HMGB1: variants seen among roughly 807,000 people sequenced by gnomAD.
HMGB1 encodes high mobility group protein B1.
For missense variants in HMGB1, 79 were observed against 253.5 expected (o/e 0.31, Z 4.67); for synonymous variants, 81 against 84.0 (o/e 0.96, Z 0.19).
intron 1 of HMGB1, among the ~76,000 whole-genome samples, chr13:30,500,308 A>G (rs758520749): frequency 1.3e-5 from 2 of 152,170 alleles, no homozygotes; most frequent in Non-Finnish European, 2.9e-5. Flanking sequence ...AGTCTCAGGT[A>G]TTCTGTCTTA....
At chr13:30,472,194 A>C (rs1384180694) in intron 1 of HMGB1, among the ~76,000 whole-genome samples, 1 of 152,056 alleles carries the variant, frequency 6.6e-6, no homozygotes, top group Non-Finnish European at 1.5e-5. Flanking sequence ...CACGAGAATC[A>C]CTTGAACCCA....
intron 1 of HMGB1, among the ~76,000 whole-genome samples, chr13:30,524,815 C>T (rs1888328824): frequency 1.3e-5 from 2 of 152,052 alleles, no homozygotes; most frequent in South Asian, 4.1e-4. Context: ...GCAGTTTATA[C>T]ACTTGAAAAG....
At chr13:30,608,447 C>G (rs1435143973) in intron 1 of HMGB1, among the ~76,000 whole-genome samples, 1 of 152,142 alleles carries the variant, frequency 6.6e-6, no homozygotes, top group Non-Finnish European at 1.5e-5. Context: ...CTGTTGAGGG[C>G]ATGAGGAAAG....
intron 1 of HMGB1, among the ~76,000 whole-genome samples, chr13:30,533,623 C>T (rs1161226729): frequency 3.3e-5 from 5 of 152,112 alleles, no homozygotes; most frequent in Non-Finnish European, 7.3e-5. Context: ...CCTCGGCCTC[C>T]TGAAGTTCTA....
intron 1 of HMGB1, among the ~76,000 whole-genome samples, chr13:30,575,700 G>A (rs2150796): frequency 0.46 from 70,486 of 151,940 alleles, 18,774 homozygotes; most frequent in African/African-American, 0.73. Context: ...GTACTGCTAT[G>A]TATCTAATGT....
At chr13:30,500,323 C>T (rs1251735218) in intron 1 of HMGB1, among the ~76,000 whole-genome samples, 2 of 152,104 alleles carry the variant, frequency 1.3e-5, no homozygotes, top group Non-Finnish European at 2.9e-5. Flanking sequence ...GTCTTAGCAA[C>T]AGAAAATGAA....
chr13:30,498,019 T>C (rs1040747255), intron 1 of HMGB1, among the ~76,000 whole-genome samples: 4 of 152,210 alleles, frequency 2.6e-5, no homozygotes, highest in African/African-American at 9.6e-5. Context: ...TTTAAGTTCT[T>C]TGAGGAATCG....
rs1950558338 is a variant in HMGB1, at chr13:30,616,064, G to A, written c.-15+607C>T. Among the ~76,000 whole-genome samples the A allele has an allele frequency of 2.0e-5, 3 of 152,320 alleles. No individual in the cohort carries two copies. The South Asian group carries it at 6.2e-4, about 32-fold the overall frequency. On this transcript the variant is annotated intron_variant, in intron 1 of 4. Coordinates refer to the HMGB1 transcript ENST00000405805. Reference sequence around the variant, plus strand: ...ATAGGAATAACCAGAAATGTATACAGTATTCTCAACTTGGGACCGTTACTC... The same window carrying A: ...ATAGGAATAACCAGAAATGTATACAATATTCTCAACTTGGGACCGTTACTC...
chr13:30,522,265 A>G (rs1015563684), intron 1 of HMGB1, among the ~76,000 whole-genome samples: 5 of 152,004 alleles, frequency 3.3e-5, no homozygotes, highest in African/African-American at 4.8e-5. Context: ...GGTAGATGCC[A>G]TCATGCCCAG....
At chr13:30,466,003 C>T (rs1033585905), upstream of HMGB1, 33 of 970,030 alleles carry the variant, frequency 3.4e-5, no homozygotes, top group Non-Finnish European at 3.9e-5. Context: ...TGGCCCGATA[C>T]CTCCCATTGT....
chr13:30,539,725 G>C (rs1362338539), intron 1 of HMGB1: 2 of 174,072 alleles, frequency 1.1e-5, no homozygotes, highest in African/African-American at 4.8e-5. Context: ...GGAGTGGTGG[G>C]GGTGGCAGGG....
chr13:30,588,309 T>C (rs1359381765), intron 1 of HMGB1, among the ~76,000 whole-genome samples: 1 of 152,200 alleles, frequency 6.6e-6, no homozygotes, highest in African/African-American at 2.4e-5. Context: ...AGTTAGATTC[T>C]GAAAATTAAA....
chr13:30,576,537 C>G (rs1324020810), intron 1 of HMGB1, among the ~76,000 whole-genome samples: 2 of 151,758 alleles, frequency 1.3e-5, no homozygotes, highest in Non-Finnish European at 1.5e-5. Flanking sequence ...TTTCTTAAGT[C>G]TCCCTTTGCT....
At chr13:30,615,162 G>A (rs768459531) in intron 1 of HMGB1, among the ~76,000 whole-genome samples, 8 of 152,166 alleles carry the variant, frequency 5.3e-5, no homozygotes, top group Non-Finnish European at 1.2e-4. Flanking sequence ...TATGATAGAT[G>A]CATGATATGA....
chr13:30,525,717 A>T (rs1253707163), intron 1 of HMGB1, among the ~76,000 whole-genome samples: 1 of 60,954 alleles, frequency 1.6e-5, no homozygotes, highest in African/African-American at 3.7e-5. Context: ...CATTATTAAC[A>T]TAAAAAAAAA....
At chr13:30,566,724 T>C (rs1870200608) in intron 1 of HMGB1, among the ~76,000 whole-genome samples, 1 of 152,224 alleles carries the variant, frequency 6.6e-6, no homozygotes, top group Non-Finnish European at 1.5e-5. Context: ...AGTTATTCTA[T>C]ATAACAAAGA....
chr13:30,592,755 T>C (rs1365121002), intron 1 of HMGB1, among the ~76,000 whole-genome samples: 2 of 152,106 alleles, frequency 1.3e-5, no homozygotes, highest in South Asian at 2.1e-4. Context: ...AGATGGAAAG[T>C]TGCTTTGTCT....
chr13:30,581,389 C>T, intron 1 of HMGB1, among the ~76,000 whole-genome samples: 1 of 152,136 alleles, frequency 6.6e-6, no homozygotes, highest in East Asian at 1.9e-4. Context: ...GGCCCACAGG[C>T]TGAATCCTGC....
rs1421940077 is a variant in HMGB1 at position 30,496,777 on chromosome 13, G to C, written c.-14-33083C>G. Reference sequence around the variant, plus strand: ...GAGTCATTTAAGAGGATAAGACTCAGTTGAATGTGTTTTGGGATTTTTTAC... The same window carrying C: ...GAGTCATTTAAGAGGATAAGACTCACTTGAATGTGTTTTGGGATTTTTTAC... On this transcript the variant is annotated intron_variant, in intron 1 of 4. Transcript: ENST00000405805. Among the ~76,000 whole-genome samples, 5 of 152,182 alleles carry C rather than the reference G, an allele frequency of 3.3e-5. No individual in the cohort carries two copies. In the South Asian group the frequency reaches 8.3e-4, roughly 25 times the overall value.
Sources: allele counts gnomAD v4.1 joint callset (sites outside exome capture counted in the v4.1 genomes callset), GRCh38; gene constraint gnomAD v4.1.1; transcripts MANE v1.5; gene names NCBI Gene and HGNC (gene_info 2026-07-23, HGNC 2026-07-21).